Variants in TNN observed in about 807,000 individuals in gnomAD.
TNN encodes the protein tenascin-N.
In TNN, 122 loss-of-function variants were observed where a neutral mutation model predicts 134.4. That is an observed-to-expected ratio of 0.91 (90% CI 0.78 to 1.06). The LOEUF (loss-of-function observed/expected upper bound fraction) is 1.06, where lower values mean the gene tolerates loss of function less well. TNN is among the 50% of genes least tolerant of loss of function. TNN has a pLI of 0.00. For missense variants in TNN, 1,739 were observed against 1,699.4 expected, an observed-to-expected ratio of 1.02 and a Z score of -0.41; for synonymous variants, 710 against 670.3, an observed-to-expected ratio of 1.06 and a Z score of -0.91.
intron 1 of TNN, 47 bp from the exon 2 acceptor site, chr1:175,077,337 C>T: frequency 6.9e-7 from 1 of 1,448,836 alleles, no homozygotes; most frequent in Non-Finnish European, 9.3e-7. Context: ...AGCCAGCTTC[C>T]CTCAGCACAT....
At chr1:175,093,031 T>C (rs889565955) in intron 6 of TNN, among the ~76,000 whole-genome samples, 2 of 152,234 alleles carry the variant, frequency 1.3e-5, no homozygotes, top group Admixed American at 1.3e-4. Flanking sequence ...GATCCTTTGA[T>C]AGCCCAAGTC....
intron 6 of TNN, among the ~76,000 whole-genome samples, chr1:175,086,089 G>A (rs779612832): frequency 9.9e-5 from 15 of 152,086 alleles, no homozygotes; most frequent in Non-Finnish European, 5.9e-5. Flanking sequence ...CTATCACCGC[G>A]TTGTTTTTAA....
chr1:175,074,451 C>T (rs866234605), intron 1 of TNN, among the ~76,000 whole-genome samples: 22 of 146,292 alleles, frequency 1.5e-4, no homozygotes, highest in South Asian at 2.2e-4. Context: ...TGCCAATGCA[C>T]TCCAGCCTGG....
intron 17 of TNN, 77 bp from the exon 18 acceptor site, chr1:175,144,310 T>C: frequency 7.0e-7 from 1 of 1,418,630 alleles, no homozygotes; most frequent in Non-Finnish European, 9.7e-7. Context: ...CCTAGAGATC[T>C]TCCTGCTGGG....
intron 6 of TNN, among the ~76,000 whole-genome samples, chr1:175,088,618 A>G (rs575695747): frequency 6.6e-6 from 1 of 152,322 alleles, no homozygotes; most frequent in African/African-American, 2.4e-5. Context: ...TCCTGTAGCC[A>G]GACTGTTTGT....
chr1:175,107,046 C>G (rs1674874428), intron 9 of TNN, among the ~76,000 whole-genome samples: 1 of 146,278 alleles, frequency 6.8e-6, no homozygotes, highest in Non-Finnish European at 1.5e-5. Flanking sequence ...AAAGGTCTCA[C>G]CGCTCGGCTA....
At chr1:175,113,942 A>G (rs1675101887) in intron 9 of TNN, among the ~76,000 whole-genome samples, 1 of 152,072 alleles carries the variant, frequency 6.6e-6, no homozygotes, top group Non-Finnish European at 1.5e-5. Context: ...TTTCTCATTC[A>G]TATCATGTAT....
chr1:175,091,940 G>C (rs1255309668), intron 6 of TNN, among the ~76,000 whole-genome samples: 1 of 152,160 alleles, frequency 6.6e-6, no homozygotes, highest in Admixed American at 6.5e-5. Context: ...CAAAGCCACA[G>C]GCCTCTGCTG....
Position 175,128,695 on chromosome 1 carries a change from C to G in TNN, c.3279C>G (p.Ser1093Arg), listed in dbSNP as rs144117200. 2.9e-5 allele frequency: 46 copies of G among 1,613,932 alleles called. No individual in the cohort carries two copies. Among genetic ancestry groups the G allele is most frequent in the Non-Finnish European group, 3.6e-5 (42 of 1,179,966 alleles). The change falls in exon 15 of 19, where the codon AGC becomes AGG. Residue 1093 changes from serine (S) to arginine (R), a missense_variant. Coordinates refer to ENST00000239462, the MANE Select transcript of TNN (RefSeq NM_022093.2). ...CCATCTACCTGCATGGCGATGCCAG[C>G]CGGCCCCTGCAGGTGTACTGTGACA... ...LYTIYLHGDA[S>R]RPLQVYCDME...
chr1:175,097,310 A>C, intron 7 of TNN, 107 bp from the exon 8 acceptor site: 6 of 1,394,262 alleles, frequency 4.3e-6, no homozygotes, highest in South Asian at 1.3e-5. Context: ...TTGACATATT[A>C]GAGACTCTGA....
At chr1:175,107,429 G>A (rs796258201) in intron 9 of TNN, among the ~76,000 whole-genome samples, 17 of 144,694 alleles carry the variant, frequency 1.2e-4, no homozygotes, top group Admixed American at 1.1e-3. Context: ...GCAGACCTTC[G>A]TGGTGAGTGT....
At chr1:175,071,938 G>A (rs1371901774) in intron 1 of TNN, among the ~76,000 whole-genome samples, 1 of 152,202 alleles carries the variant, frequency 6.6e-6, no homozygotes, top group South Asian at 2.1e-4. Context: ...CTATGAGGCT[G>A]GTGATACAGA....
intron 1 of TNN, among the ~76,000 whole-genome samples, chr1:175,074,422 T>G (rs1455128730): frequency 6.7e-6 from 1 of 150,126 alleles, no homozygotes; most frequent in Non-Finnish European, 1.5e-5. Flanking sequence ...GAGGTGGACA[T>G]TGCAGTGAGC....
chr1:175,113,970 CAAAT>C lies in TNN; in HGVS notation c.2120-2967_2120-2964del, dbSNP rs549890102. Among the ~76,000 whole-genome samples the C allele has an allele frequency of 2.6e-5, 4 of 152,198 alleles. No homozygotes were observed. In the East Asian group the frequency reaches 7.7e-4, roughly 29 times the overall value. On this transcript the variant is annotated intron_variant, in intron 9 of 18. Coordinates refer to ENST00000239462, the MANE Select transcript of TNN (RefSeq NM_022093.2). ...TCATGTATTATTTTTCTGATTTCAT[CAAAT>C]AGTCTATCTGTATTTTTTGAATTTC...
intron 11 of TNN, among the ~76,000 whole-genome samples, chr1:175,121,385 A>T (rs1173306681): frequency 6.6e-6 from 1 of 152,242 alleles, no homozygotes; most frequent in African/African-American, 2.4e-5. Context: ...GCTGGAGCAT[A>T]GAGGGTGGAA....
rs1674628013 is a variant in TNN, at chr1:175,098,438, C to T, written c.1962C>T (p.Tyr654=). ...QAAIDKYVVR[Y]TSAGGETREV... is the part of the protein sequence containing the mutation. ...CCATTGACAAGTACGTGGTGCGCTA[C>T]ACCTCTGCTGGTGGAGAGACCAGGG... The change falls in exon 9 of 19, where the codon TAC becomes TAT. Residue 654 remains tyrosine (Y), a synonymous_variant. Transcript: ENST00000239462. The T allele has an allele frequency of 6.2e-7, 1 of 1,614,086 alleles. No homozygotes were observed. Among genetic ancestry groups the T allele is most frequent in the African/African-American group, 1.3e-5 (1 of 74,920 alleles).
At chr1:175,145,552 C>CAAAAAAAAAAAGAAAAAAA (rs1676042889) in intron 18 of TNN, among the ~76,000 whole-genome samples, 1 of 28,910 alleles carries the variant, frequency 3.5e-5, no homozygotes. Context: ...GACCCTGTCT[C>CAAAAAAAAAAAGAAAAAAA]AAAAAAAAAA....
intron 17 of TNN, among the ~76,000 whole-genome samples, chr1:175,138,384 G>A (rs1043585251): frequency 1.3e-5 from 2 of 152,142 alleles, no homozygotes; most frequent in Non-Finnish European, 2.9e-5. Context: ...GGGATGTTTA[G>A]TATCTTACAT....
chr1:175,126,572 T>C (rs1052421104), intron 12 of TNN, among the ~76,000 whole-genome samples: 6 of 152,194 alleles, frequency 3.9e-5, no homozygotes, highest in Non-Finnish European at 8.8e-5. Flanking sequence ...CCTGGTTTCT[T>C]TGTGCATGGC....
Sources: allele counts gnomAD v4.1 joint callset (sites outside exome capture counted in the v4.1 genomes callset), GRCh38; gene constraint gnomAD v4.1.1; transcripts MANE v1.5; gene names NCBI Gene and HGNC (gene_info 2026-07-23, HGNC 2026-07-21).